C2: variants seen among roughly 807,000 people sequenced by gnomAD.
The protein encoded by C2 is complement C2.
A neutral mutation model predicts 85.2 loss-of-function variants in C2; 64 were observed. The observed-to-expected ratio is 0.75, with a 90% CI of 0.61 to 0.92. The LOEUF (loss-of-function observed/expected upper bound fraction) is 0.92. Among genes scored for constraint, C2 ranks in the 40% least tolerant of loss-of-function variants. C2 has a pLI of 0.00. For synonymous variants in C2, 311 were observed against 370.8 expected (o/e 0.84, Z 1.85); for missense variants, 820 against 971.6 (o/e 0.84, Z 2.07).
chr6:31,945,065 C>T lies in C2; in HGVS notation c.2079+36C>T, dbSNP rs775409075. On this transcript the variant is annotated intron_variant, in intron 17 of 17. Coordinates refer to ENST00000299367, the MANE Select transcript of C2 (RefSeq NM_000063.6). This position sits in a 1 kb window ranked among gnomAD's most constrained non-coding sequence, Gnocchi z 5.3. ...AGAAGCTTGCAGGACCCAGGGGTTACAGGATCTCAGCCTTGTTGGGGGGAT... is the reference window on the plus strand; with the variant it reads ...AGAAGCTTGCAGGACCCAGGGGTTATAGGATCTCAGCCTTGTTGGGGGGAT... 6.2e-7 allele frequency: 1 copy of T among 1,612,418 alleles called. No homozygotes were observed. Among genetic ancestry groups the T allele is most frequent in the Non-Finnish European group, 8.5e-7 (1 of 1,179,492 alleles).
chr6:31,923,415 C>G (rs987875922), upstream of C2, among the ~76,000 whole-genome samples: 1 of 152,208 alleles, frequency 6.6e-6, no homozygotes, highest in Non-Finnish European at 1.5e-5. Flanking sequence ...GGCTGATGAG[C>G]AGCTCTGCCA....
chr6:31,928,960 C>T (rs369745658), intron 3 of C2, 43 bp downstream of exon 3: 425 of 1,540,648 alleles, frequency 2.8e-4, no homozygotes, highest in Non-Finnish European at 3.6e-4. Flanking sequence ...GCTGGGGTCT[C>T]CTGGGGAACC....
At chr6:31,929,984 C>A (rs1335777368) in intron 3 of C2, among the ~76,000 whole-genome samples, 1 of 151,614 alleles carries the variant, frequency 6.6e-6, no homozygotes, top group Non-Finnish European at 1.5e-5. Context: ...TGCACTCCAG[C>A]CTGGGTGACA....
Position 31,944,947 on chromosome 6 carries a change from A to T in C2, c.2030-33A>T. 1 of 1,612,936 alleles carries T rather than the reference A, an allele frequency of 6.2e-7. No individual in the cohort carries two copies. Among genetic ancestry groups the T allele is most frequent in the Non-Finnish European group, 8.5e-7 (1 of 1,179,912 alleles). On this transcript the variant is annotated intron_variant, in intron 16 of 17. Transcript: ENST00000299367. This position sits in a 1 kb window ranked among gnomAD's most constrained non-coding sequence, Gnocchi z 5.1. The stretch of plus-strand genomic sequence containing the variant: ...CCAGAACACCAGTCCACTGCCCTAG[A>T]TGACACTGTCTCCTGTCACCCTTTG...
At chr6:31,915,239 A>T (rs766758577), upstream of C2, among the ~76,000 whole-genome samples, 1 of 152,196 alleles carries the variant, frequency 6.6e-6, no homozygotes. Flanking sequence ...TGTTTCTTCC[A>T]TAAGGCATTC....
Position 31,904,377 on chromosome 6 carries a change from G to A in C2, c.73+3238G>A, listed in dbSNP as rs1336360774. Among the ~76,000 whole-genome samples, 1 of 151,890 alleles carries A rather than the reference G, an allele frequency of 6.6e-6. No homozygotes were observed. Among genetic ancestry groups the A allele is most frequent in the African/African-American group, 2.4e-5 (1 of 41,290 alleles). ...CACCCAGGCTGGAGTGCAATAGCAC[G>A]ATCTTGGCTCACTGCAACCTCCGCT... On this transcript the variant is annotated intron_variant, in intron 1 of 3. Coordinates refer to the C2 transcript ENST00000452202. This position sits in a 1 kb window ranked among gnomAD's most constrained non-coding sequence, Gnocchi z 4.4.
At chr6:31,900,245 G>C (rs1767096112), upstream of C2, 1 of 1,613,824 alleles carries the variant, frequency 6.2e-7, no homozygotes, top group Admixed American at 1.7e-5. The surrounding 1 kb of genome is among the most constrained non-coding windows in gnomAD (Gnocchi z 9.7). Flanking sequence ...GAAGTGCTGC[G>C]CCCGCATGTG....
At chr6:31,929,721 A>C (rs1251995063) in intron 3 of C2, among the ~76,000 whole-genome samples, 1 of 142,412 alleles carries the variant, frequency 7.0e-6, no homozygotes, top group Non-Finnish European at 1.5e-5. Context: ...CTGTCTCAAA[A>C]AAAAAAAAAA....
At chr6:31,902,251 C>A (rs1475152250) in intron 1 of C2, among the ~76,000 whole-genome samples, 1 of 151,790 alleles carries the variant, frequency 6.6e-6, no homozygotes, top group Non-Finnish European at 1.5e-5. Flanking sequence ...CTCGCTCCCC[C>A]TCCTCTGTAC....
chr6:31,903,077 A>C (rs560998901), intron 1 of C2, among the ~76,000 whole-genome samples: 1 of 152,180 alleles, frequency 6.6e-6, no homozygotes, highest in African/African-American at 2.4e-5. Flanking sequence ...AGCACTTAGG[A>C]GCGTCTTGAA....
At chr6:31,928,335 G>A (rs9332705) in intron 2 of C2, 171 bp downstream of exon 2, 8,958 of 701,092 alleles carry the variant, frequency 0.013, 475 homozygotes, top group South Asian at 0.096. Flanking sequence ...AAGGAATTGG[G>A]AACAGGTCTT....
At chr6:31,906,382 C>T (rs1038265277) in intron 1 of C2, among the ~76,000 whole-genome samples, 1 of 151,802 alleles carries the variant, frequency 6.6e-6, no homozygotes. Context: ...TCTTCGGAGC[C>T]CTCTCCCAGC....
At chr6:31,926,700 T>C (rs1769288691), upstream of C2, among the ~76,000 whole-genome samples, 1 of 152,052 alleles carries the variant, frequency 6.6e-6, no homozygotes, top group South Asian at 2.1e-4. Flanking sequence ...AGTGGCACAA[T>C]CTTGGCTCAC....
chr6:31,910,742 G>A (rs935056218), intron 1 of C2, among the ~76,000 whole-genome samples: 3 of 151,988 alleles, frequency 2.0e-5, no homozygotes, highest in African/African-American at 7.3e-5. Context: ...CACTTTGGGA[G>A]GCTGAGGCAG....
At chr6:31,915,226 T>A (rs1768422559), upstream of C2, among the ~76,000 whole-genome samples, 1 of 152,202 alleles carries the variant, frequency 6.6e-6, no homozygotes, top group Admixed American at 6.5e-5. Context: ...AAGCTGTAAA[T>A]GCTGTTTCTT....
intron 3 of C2, 80 bp from the exon 4 acceptor site, chr6:31,933,530 G>C: frequency 2.0e-6 from 3 of 1,503,026 alleles, no homozygotes; most frequent in Non-Finnish European, 2.7e-6. Context: ...GGAAGCTTCT[G>C]CTGGCAACTG....
At chr6:31,899,849 C>G (rs78852381), upstream of C2, 29,468 of 1,453,472 alleles carry the variant, frequency 0.02, 680 homozygotes, top group East Asian at 0.086. Context: ...CCCCCACCCC[C>G]CAATTCTCCT....
chr6:31,943,667 A>G lies in C2; in HGVS notation c.1591A>G (p.Lys531Glu), dbSNP rs2151772227. 9 of 1,613,094 alleles carry G rather than the reference A, an allele frequency of 5.6e-6. No individual in the cohort carries two copies. Among genetic ancestry groups the G allele is most frequent in the Non-Finnish European group, 7.6e-6 (9 of 1,180,026 alleles). ...AGGAGACCCCAAATCCCAGTGGGGC[A>G]AAGAATTCCTTATTGAGAAGGCGGT... ...NVGDPKSQWG[K>E]EFLIEKAVIS... Residue 531 changes from lysine (K) to glutamate (E), a missense_variant, in exon 13 of 18, where the codon AAA (lysine) becomes GAA (glutamate). Transcript: ENST00000299367. This position sits in a 1 kb window ranked among gnomAD's most constrained non-coding sequence, Gnocchi z 6.4.
At chr6:31,936,425 G>T in intron 7 of C2, 1 of 319,234 alleles carries the variant, frequency 3.1e-6, no homozygotes, top group East Asian at 7.3e-5. Context: ...AGCCACTCAA[G>T]GTTTTGGAAA....
Sources: allele counts gnomAD v4.1 joint callset (sites outside exome capture counted in the v4.1 genomes callset), GRCh38; gene constraint gnomAD v4.1.1; non-coding constraint Gnocchi (gnomAD v3.1); transcripts MANE v1.5; gene names NCBI Gene and HGNC (gene_info 2026-07-23, HGNC 2026-07-21).